MMP16: variants seen among roughly 807,000 people sequenced by gnomAD.
MMP16 encodes matrix metalloproteinase-16.
In MMP16, 12 loss-of-function variants were observed where a neutral mutation model predicts 67.8. The ratio of observed to expected loss-of-function variants is 0.18; its 90% confidence interval spans 0.11 to 0.29. The LOEUF (loss-of-function observed/expected upper bound fraction) is 0.29. Among genes scored for constraint, MMP16 ranks in the 10% least tolerant of loss-of-function variants. The pLI, the probability that MMP16 is intolerant of heterozygous loss-of-function variation, is 1.00. For synonymous variants in MMP16, 249 were observed against 255.9 expected, an observed-to-expected ratio of 0.97 and a Z score of 0.26; for missense variants, 475 against 765.7, an observed-to-expected ratio of 0.62 and a Z score of 4.48.
intron 1 of MMP16, among the ~76,000 whole-genome samples, chr8:88,215,499 A>T (rs1809577915): frequency 6.6e-6 from 1 of 152,138 alleles, no homozygotes; most frequent in Admixed American, 6.6e-5. Flanking sequence ...TTGAGACAAC[A>T]GGAAGCTCTA....
chr8:88,302,426 C>T (rs1188582506), intron 1 of MMP16, among the ~76,000 whole-genome samples: 1 of 152,130 alleles, frequency 6.6e-6, no homozygotes, highest in African/African-American at 2.4e-5. Context: ...GTCTAATTTG[C>T]GTCCCTTGTT....
chr8:88,193,239 C>T (rs997858070), intron 2 of MMP16, among the ~76,000 whole-genome samples: 2 of 152,034 alleles, frequency 1.3e-5, no homozygotes, highest in African/African-American at 4.8e-5. Flanking sequence ...AAATAAAATC[C>T]TGTAATTTGC....
chr8:88,215,044 C>A (rs1344772673), intron 1 of MMP16, among the ~76,000 whole-genome samples: 1 of 152,116 alleles, frequency 6.6e-6, no homozygotes, highest in African/African-American at 2.4e-5. Flanking sequence ...GAAGTGGCAA[C>A]TGAGGCTGGG....
At chr8:88,273,539 A>G (rs1810599555) in intron 1 of MMP16, among the ~76,000 whole-genome samples, 1 of 152,194 alleles carries the variant, frequency 6.6e-6, no homozygotes, top group Admixed American at 6.5e-5. Context: ...TATTCTAGCT[A>G]CAAATTAAAT....
chr8:88,086,330 T>C lies in MMP16; in HGVS notation c.1084-11587A>G, dbSNP rs1223340593. ...TGCACCACACATTACTGCTGTATGATATTCTGATTTTTGTTCTCCTCCTTT... is the reference window on the plus strand; with the variant it reads ...TGCACCACACATTACTGCTGTATGACATTCTGATTTTTGTTCTCCTCCTTT... On this transcript the variant is annotated intron_variant, in intron 6 of 9. Transcript: ENST00000286614. Among the ~76,000 whole-genome samples the C allele has an allele frequency of 2.6e-5, 4 of 151,948 alleles. 1 individual carries two copies. Among genetic ancestry groups the C allele is most frequent in the African/African-American group, 9.7e-5 (4 of 41,284 alleles).
chr8:88,057,958 G>C (rs1274287558), intron 7 of MMP16, among the ~76,000 whole-genome samples: 1 of 151,880 alleles, frequency 6.6e-6, no homozygotes, highest in South Asian at 2.1e-4. Flanking sequence ...AACTACTGAA[G>C]GCTTGAAAAC....
intron 6 of MMP16, among the ~76,000 whole-genome samples, chr8:88,106,634 A>G (rs1232296720): frequency 2.6e-5 from 4 of 151,302 alleles, no homozygotes; most frequent in African/African-American, 9.7e-5. Flanking sequence ...GTAAGATACT[A>G]TTAACCTTTG....
chr8:88,091,237 G>T (rs971312384), intron 6 of MMP16, among the ~76,000 whole-genome samples: 9 of 151,662 alleles, frequency 5.9e-5, no homozygotes, highest in Non-Finnish European at 1.2e-4. Flanking sequence ...CATTCTTGTT[G>T]AATATTTTTT....
intron 7 of MMP16, chr8:88,069,366 C>T: frequency 2.3e-6 from 1 of 440,544 alleles, no homozygotes; most frequent in Non-Finnish European, 4.6e-6. Flanking sequence ...CCTGATTGTT[C>T]TTTGTTAGTA....
intron 4 of MMP16, among the ~76,000 whole-genome samples, chr8:88,163,338 G>A (rs905769509): frequency 2.0e-5 from 3 of 151,954 alleles, no homozygotes; most frequent in South Asian, 4.1e-4. Flanking sequence ...TTAATTTAAC[G>A]GTTTTGATGT....
chr8:88,048,472 A>C (rs982479530), intron 8 of MMP16, among the ~76,000 whole-genome samples: 18 of 152,162 alleles, frequency 1.2e-4, no homozygotes, highest in Non-Finnish European at 5.9e-5. Flanking sequence ...AATCACTGGG[A>C]GTTCACAGTG....
At position 88,135,526 on chromosome 8, in the gene MMP16, C is replaced by G. The variant is rs541205478; in HGVS notation, c.710-16665G>C. On this transcript the variant is annotated intron_variant, in intron 4 of 9. Coordinates refer to ENST00000286614, the MANE Select transcript of MMP16 (RefSeq NM_005941.5). ...TGGGACTGAGTCTTGGGGTTTAAAA[C>G]TGGAGTCAGGGTGACCAGTTGTGCT... Among the ~76,000 whole-genome samples, 12 of 151,910 alleles carry G rather than the reference C, an allele frequency of 7.9e-5. No individual in the cohort carries two copies. The South Asian group carries it at 2.5e-3, about 31-fold the overall frequency.
intron 1 of MMP16, among the ~76,000 whole-genome samples, chr8:88,306,071 T>C (rs1383521292): frequency 1.4e-5 from 2 of 147,988 alleles, no homozygotes; most frequent in Non-Finnish European, 3.0e-5. Context: ...GAGAGAAGAA[T>C]CAAATAAACA....
At chr8:88,100,696 T>A (rs2118376475) in intron 6 of MMP16, among the ~76,000 whole-genome samples, 1 of 152,120 alleles carries the variant, frequency 6.6e-6, no homozygotes, top group Admixed American at 6.6e-5. Context: ...ATTGTGGCAC[T>A]ATTCACAATA....
intron 1 of MMP16, among the ~76,000 whole-genome samples, chr8:88,251,305 A>G (rs1221163173): frequency 6.6e-6 from 1 of 151,786 alleles, no homozygotes; most frequent in Non-Finnish European, 1.5e-5. Flanking sequence ...ATATAGATCA[A>G]TGGAACAGAA....
At chr8:88,079,890 T>C (rs1808717282) in intron 6 of MMP16, among the ~76,000 whole-genome samples, 1 of 152,196 alleles carries the variant, frequency 6.6e-6, no homozygotes, top group South Asian at 2.1e-4. Flanking sequence ...AGCTGGTGCC[T>C]TGACCTTAGA....
At chr8:88,263,442 C>T (rs1400007549) in intron 1 of MMP16, among the ~76,000 whole-genome samples, 1 of 152,156 alleles carries the variant, frequency 6.6e-6, no homozygotes, top group Non-Finnish European at 1.5e-5. Flanking sequence ...CCATCCGACA[C>T]ATGAGTTTTC....
intron 6 of MMP16, among the ~76,000 whole-genome samples, chr8:88,103,681 C>G (rs965751896): frequency 6.6e-6 from 1 of 151,744 alleles, no homozygotes; most frequent in East Asian, 2.0e-4. Flanking sequence ...GTTTGTTGAG[C>G]TGACAAACTT....
chr8:88,200,164 C>A (rs1304492388), intron 1 of MMP16, among the ~76,000 whole-genome samples: 2 of 151,930 alleles, frequency 1.3e-5, no homozygotes, highest in African/African-American at 2.4e-5. Context: ...CTAGTCATAG[C>A]TGTCAGGAAA....
Sources: allele counts gnomAD v4.1 joint callset (sites outside exome capture counted in the v4.1 genomes callset), GRCh38; gene constraint gnomAD v4.1.1; transcripts MANE v1.5; gene names NCBI Gene and HGNC (gene_info 2026-07-23, HGNC 2026-07-21).